The following TENM3 variants were observed in gnomAD, a reference collection of about 807,000 sequenced individuals.
TENM3 encodes the protein teneurin transmembrane protein 3, also known as teneurin-3.
In TENM3, 63 loss-of-function variants were observed where a neutral mutation model predicts 255.1. The observed-to-expected ratio is 0.25, with a 90% confidence interval of 0.20 to 0.30. The LOEUF (loss-of-function observed/expected upper bound fraction) is 0.30, where lower values mean the gene tolerates loss of function less well. TENM3 is among the 10% of genes least tolerant of loss of function. The probability of loss-of-function intolerance (pLI) is 1.00; values close to 1 mark genes in which losing one functional copy is unlikely to be tolerated. For missense variants in TENM3, 2,929 were observed against 3,461.1 expected (o/e 0.85, Z 3.86); for synonymous variants, 1,306 against 1,322.3 (o/e 0.99, Z 0.27).
At chr4:182,296,751 G>T (rs1580065751) in intron 1 of TENM3, among the ~76,000 whole-genome samples, 1 of 152,118 alleles carries the variant, frequency 6.6e-6, no homozygotes, top group African/African-American at 2.4e-5. Flanking sequence ...ATTATCATGG[G>T]ATTAAAACAA....
At chr4:181,647,527 C>T in the TENM3 span, among the ~76,000 whole-genome samples, 1 of 152,116 alleles carries the variant, frequency 6.6e-6, no homozygotes, top group African/African-American at 2.4e-5. Flanking sequence ...CTGTTGTATG[C>T]TTACACTTTG....
chr4:181,678,984 CA>C, the TENM3 span, among the ~76,000 whole-genome samples: 1 of 151,998 alleles, frequency 6.6e-6, no homozygotes, highest in African/African-American at 2.4e-5. Context: ...TCTGTTAAAG[CA>C]AACTAAATAT....
the TENM3 span, among the ~76,000 whole-genome samples, chr4:181,852,053 A>T: frequency 6.6e-6 from 1 of 152,200 alleles, no homozygotes; most frequent in South Asian, 2.1e-4. Flanking sequence ...AGAAAAGTCA[A>T]CTCAGGGCAC....
At chr4:181,453,018 A>T in the TENM3 span, among the ~76,000 whole-genome samples, 3 of 152,222 alleles carry the variant, frequency 2.0e-5, no homozygotes, top group African/African-American at 4.8e-5. Flanking sequence ...CACTACTGAG[A>T]GGTTATTAAG....
chr4:182,768,199 A>G (rs1365238970), intron 22 of TENM3, among the ~76,000 whole-genome samples: 1 of 152,156 alleles, frequency 6.6e-6, no homozygotes, highest in Non-Finnish European at 1.5e-5. Context: ...TCTCATTTAC[A>G]CGTACTTTTC....
chr4:182,326,820 G>A (rs1763443406), intron 2 of TENM3, among the ~76,000 whole-genome samples: 1 of 152,132 alleles, frequency 6.6e-6, no homozygotes, highest in South Asian at 2.1e-4. Context: ...TGAAATAACA[G>A]GCCTGAGCCA....
At chr4:181,497,206 C>CA in the TENM3 span, among the ~76,000 whole-genome samples, 8 of 152,104 alleles carry the variant, frequency 5.3e-5, no homozygotes, top group African/African-American at 1.7e-4. Flanking sequence ...CATACAGAGG[C>CA]ACACACATAG....
intron 3 of TENM3, among the ~76,000 whole-genome samples, chr4:182,355,911 T>TATTATA (rs554304521): frequency 2.4e-4 from 35 of 147,954 alleles, no homozygotes; most frequent in Non-Finnish European, 3.9e-4. Flanking sequence ...TATATATATA[T>TATTATA]TATATATATA....
At chr4:181,903,486 T>A in the TENM3 span, among the ~76,000 whole-genome samples, 1 of 152,158 alleles carries the variant, frequency 6.6e-6, no homozygotes, top group Non-Finnish European at 1.5e-5. Context: ...CTGGTAACAA[T>A]TCCAGCTTCA....
intron 19 of TENM3, among the ~76,000 whole-genome samples, chr4:182,747,842 A>G (rs1720507016): frequency 2.6e-5 from 4 of 152,180 alleles, no homozygotes; most frequent in Admixed American, 2.6e-4. Flanking sequence ...ATCACACCCC[A>G]AGTCCCTGCT....
the TENM3 span, among the ~76,000 whole-genome samples, chr4:181,761,232 T>C: frequency 6.6e-6 from 1 of 152,118 alleles, no homozygotes; most frequent in Admixed American, 6.5e-5. Flanking sequence ...TGTATTATCA[T>C]TGTCACGGTT....
the TENM3 span, among the ~76,000 whole-genome samples, chr4:181,942,391 T>A: frequency 6.6e-6 from 1 of 151,696 alleles, no homozygotes; most frequent in Non-Finnish European, 1.5e-5. Context: ...CTGTGACATA[T>A]GAGGTCCTTC....
chr4:181,698,029 A>C, the TENM3 span, among the ~76,000 whole-genome samples: 1 of 151,992 alleles, frequency 6.6e-6, no homozygotes, highest in Non-Finnish European at 1.5e-5. Flanking sequence ...CCTGGCCACC[A>C]TAGTGAAACC....
At chr4:182,105,776 T>C in the TENM3 span, among the ~76,000 whole-genome samples, 4 of 152,190 alleles carry the variant, frequency 2.6e-5, no homozygotes, top group African/African-American at 9.6e-5. Context: ...ACATGATTGA[T>C]CTCTGTATCC....
At chr4:182,276,997 C>G (rs1236836304) in intron 1 of TENM3, among the ~76,000 whole-genome samples, 1 of 152,188 alleles carries the variant, frequency 6.6e-6, no homozygotes, top group Non-Finnish European at 1.5e-5. Flanking sequence ...ATGGAAAGAG[C>G]AAGAAGCATT....
rs1237318072 is a variant in TENM3, at chr4:182,786,381, A to AC, written c.5305-2707dup. The stretch of plus-strand genomic sequence containing the variant: ...AGACCAGCCTGGCCAACATGGTGAG[A>AC]CCCCCGTCTCTACTAAAAATACAAA... On this transcript the variant is annotated intron_variant, in intron 24 of 27. Coordinates refer to ENST00000511685, the MANE Select transcript of TENM3 (RefSeq NM_001080477.4). 4.6e-5 allele frequency among the ~76,000 whole-genome samples: 7 copies of AC among 151,258 alleles called. No individual in the cohort carries two copies. The East Asian group carries it at 1.2e-3, about 25-fold the overall frequency.
chr4:181,951,714 CA>C, the TENM3 span, among the ~76,000 whole-genome samples: 2 of 152,094 alleles, frequency 1.3e-5, no homozygotes, highest in Admixed American at 1.3e-4. Flanking sequence ...TCACTGTGGT[CA>C]AAAAAGTACA....
chr4:182,452,349 G>C (rs1018811507), intron 3 of TENM3, among the ~76,000 whole-genome samples: 1 of 150,608 alleles, frequency 6.6e-6, no homozygotes, highest in Non-Finnish European at 1.5e-5. Context: ...GGGGCGGGGG[G>C]GTGTCCAGTA....
intron 1 of TENM3, among the ~76,000 whole-genome samples, chr4:182,146,946 G>A (rs138624905): frequency 6.6e-6 from 1 of 152,076 alleles, no homozygotes; most frequent in Non-Finnish European, 1.5e-5. Flanking sequence ...TTCTGTAGGC[G>A]TGTCATCAGT....
Sources: gnomAD v4.1 joint callset for allele counts (sites outside exome capture counted in the v4.1 genomes callset) on GRCh38, gnomAD v4.1.1 for gene constraint, MANE v1.5 for transcripts, NCBI Gene and HGNC (gene_info 2026-07-23, HGNC 2026-07-21) for gene names.